Variants in PUDP observed in about 807,000 individuals in gnomAD.
PUDP encodes pseudouridine 5'-phosphatase.
PUDP carries 8 observed loss-of-function variants against 9.4 expected under a neutral mutation model. That is an observed-to-expected ratio of 0.85 (90% CI 0.50 to 1.53). PUDP has a LOEUF of 1.53. Among genes scored for constraint, PUDP ranks in the 40% most tolerant of loss-of-function variants. The pLI, the probability that PUDP is intolerant of heterozygous loss-of-function variation, is 0.00. For missense variants in PUDP, 188 were observed against 189.7 expected (o/e 0.99, Z 0.05); for synonymous variants, 99 against 80.7 (o/e 1.23, Z -1.22).
chrX:7,124,974 T>C (rs1932443640), intron 1 of PUDP, among the ~76,000 whole-genome samples: 1 of 109,473 alleles, frequency 9.1e-6, no homozygotes, highest in Non-Finnish European at 1.9e-5. Context: ...TGGCTATCTT[T>C]TTGTTTTTCC....
intron 3 of PUDP, among the ~76,000 whole-genome samples, chrX:6,882,465 G>C (rs1439028900): frequency 8.9e-6 from 1 of 111,749 alleles, no homozygotes; most frequent in East Asian, 2.8e-4. Context: ...ATGGCTGTCT[G>C]TGTTTGAGAA....
chrX:6,933,429 C>T (rs1928238726), intron 3 of PUDP, among the ~76,000 whole-genome samples: 1 of 111,429 alleles, frequency 9.0e-6, no homozygotes, highest in South Asian at 3.8e-4. Context: ...AGGGTCCTGT[C>T]TGTTAGAAGG....
intron 3 of PUDP, among the ~76,000 whole-genome samples, chrX:6,765,327 A>G (rs1217730958): frequency 9.0e-6 from 1 of 111,225 alleles, no homozygotes; most frequent in Non-Finnish European, 1.9e-5. Context: ...AACAAAAAGA[A>G]AGCCCTGAAA....
intron 1 of PUDP, among the ~76,000 whole-genome samples, chrX:7,123,876 C>T (rs1423886187): frequency 8.9e-6 from 1 of 112,037 alleles, no homozygotes; most frequent in Non-Finnish European, 1.9e-5. Context: ...AACCTAACCA[C>T]AGAGCCCCAA....
intron 3 of PUDP, among the ~76,000 whole-genome samples, chrX:6,809,145 T>G (rs1308001800): frequency 2.7e-5 from 3 of 111,219 alleles, no homozygotes; most frequent in Non-Finnish European, 5.7e-5. Context: ...TTTTATTTAT[T>G]TATGTATTTT....
chrX:7,039,309 A>G (rs1046849845), intron 1 of PUDP, among the ~76,000 whole-genome samples: 1 of 112,099 alleles, frequency 8.9e-6, no homozygotes, highest in Admixed American at 9.5e-5. Flanking sequence ...AACAAGGTTT[A>G]TTTGAAAATT....
At chrX:6,961,523 A>G (rs1249380178) in intron 3 of PUDP, among the ~76,000 whole-genome samples, 1 of 112,154 alleles carries the variant, frequency 8.9e-6, no homozygotes, top group Non-Finnish European at 1.9e-5. Flanking sequence ...AGTGCTAAAC[A>G]ACTGTTTCAT....
intron 1 of PUDP, among the ~76,000 whole-genome samples, chrX:7,042,002 C>A (rs1157515064): frequency 9.2e-6 from 1 of 108,189 alleles, no homozygotes; most frequent in African/African-American, 3.4e-5. Context: ...GGTCTCCAGT[C>A]CTTTGCTTTT....
intron 1 of PUDP, among the ~76,000 whole-genome samples, chrX:6,981,435 C>T (rs1200013875): frequency 9.0e-6 from 1 of 111,147 alleles, no homozygotes; most frequent in African/African-American, 3.3e-5. Context: ...TGCTTCTTAC[C>T]GTGGTTATTC....
At chrX:7,078,541 C>T (rs1342075990) in intron 2 of PUDP, among the ~76,000 whole-genome samples, 1 of 112,113 alleles carries the variant, frequency 8.9e-6, no homozygotes, top group African/African-American at 3.2e-5. Context: ...GATTCGCCTG[C>T]CTCAGCCTCT....
chrX:6,902,211 T>C (rs1342510742), intron 3 of PUDP, among the ~76,000 whole-genome samples: 1 of 112,008 alleles, frequency 8.9e-6, no homozygotes, highest in Non-Finnish European at 1.9e-5. Flanking sequence ...TCATAACTGG[T>C]AAACAGAAAT....
chrX:6,862,225 C>T (rs761208253), intron 3 of PUDP, among the ~76,000 whole-genome samples: 2 of 111,815 alleles, frequency 1.8e-5, no homozygotes, highest in Non-Finnish European at 1.9e-5. Context: ...GAAAGACCAC[C>T]GGTCTATGGC....
intron 3 of PUDP, among the ~76,000 whole-genome samples, chrX:6,933,691 G>C (rs918418613): frequency 9.2e-6 from 1 of 109,259 alleles, no homozygotes. Context: ...TCTGAGCTAC[G>C]GGAGGACATT....
intron 3 of PUDP, among the ~76,000 whole-genome samples, chrX:6,913,118 A>C (rs1927873570): frequency 9.0e-6 from 1 of 111,627 alleles, no homozygotes; most frequent in East Asian, 2.8e-4. Flanking sequence ...CCTAGGGCCT[A>C]TATTTTTTAG....
chrX:6,991,257 C>G (rs1890543320), intron 1 of PUDP, among the ~76,000 whole-genome samples: 1 of 111,644 alleles, frequency 9.0e-6, no homozygotes, highest in Non-Finnish European at 1.9e-5. Flanking sequence ...GCACTTGAGT[C>G]TCTTTTAAGA....
At chrX:6,772,768 A>T (rs907553701) in intron 3 of PUDP, among the ~76,000 whole-genome samples, 26 of 94,936 alleles carry the variant, frequency 2.7e-4, no homozygotes, top group African/African-American at 9.5e-4. Flanking sequence ...CCATCTCTAC[A>T]GCAGAAAATT....
At chrX:6,846,239 C>T (rs1926744776) in intron 3 of PUDP, among the ~76,000 whole-genome samples, 2 of 109,765 alleles carry the variant, frequency 1.8e-5, no homozygotes, top group Non-Finnish European at 3.8e-5. Context: ...CCCGTCTCTA[C>T]TTAAACTACA....
intron 1 of PUDP, among the ~76,000 whole-genome samples, chrX:6,992,354 G>T (rs1421622739): frequency 2.5e-5 from 2 of 78,432 alleles, no homozygotes; most frequent in Admixed American, 1.6e-4. Flanking sequence ...CTCACTGCAA[G>T]CTCCGCTTCC....
chrX:6,751,099 G>A (rs1314382931), intron 3 of PUDP, among the ~76,000 whole-genome samples: 2 of 108,544 alleles, frequency 1.8e-5, no homozygotes, highest in South Asian at 4.2e-4. Context: ...CCAAGATTGT[G>A]CCACTGCACT....
Sources: gnomAD v4.1 joint callset for allele counts (sites outside exome capture counted in the v4.1 genomes callset) on GRCh38, gnomAD v4.1.1 for gene constraint, MANE v1.5 for transcripts, NCBI Gene and HGNC (gene_info 2026-07-23, HGNC 2026-07-21) for gene names.